The following SLF2 variants were observed in gnomAD, a reference collection of about 807,000 sequenced individuals.
SLF2 encodes the protein SMC5/6 complex localization factor 2, also known as SMC5-SMC6 complex localization factor protein 2.
Under a neutral mutation model 124.3 loss-of-function variants are expected in SLF2, and 68 were observed. The ratio of observed to expected loss-of-function variants is 0.55; its 90% CI spans 0.45 to 0.67. SLF2 has a LOEUF of 0.67. Among genes scored for constraint, SLF2 ranks in the 30% least tolerant of loss-of-function variants. The pLI is 0.00. For synonymous variants in SLF2, 480 were observed against 478.8 expected (o/e 1.00, Z -0.03); for missense variants, 1,246 against 1,373.7 (o/e 0.91, Z 1.47).
chr10:100,925,818 T>C (rs1044260869), intron 5 of SLF2, 131 bp from the exon 6 acceptor site: 7 of 884,528 alleles, frequency 7.9e-6, no homozygotes, highest in Non-Finnish European at 1.2e-5. Context: ...AAAATTATCC[T>C]TTAAGAAAGG....
chr10:100,963,421 C>A lies in SLF2; in HGVS notation c.*1509C>A, dbSNP rs1850459823. On this transcript the variant is annotated 3_prime_UTR_variant, in exon 20 of 20. Transcript: ENST00000238961. ...ATTGAGGCTCCAAGAGTCAGACCAACAAAAGTTTTATTCTGTGTTGTTTAC... is the reference window on the plus strand; with the variant it reads ...ATTGAGGCTCCAAGAGTCAGACCAAAAAAAGTTTTATTCTGTGTTGTTTAC... 6.6e-6 allele frequency: 1 copy of A among 152,510 alleles called. No homozygotes were observed. Among genetic ancestry groups the A allele is most frequent in the Non-Finnish European group, 1.5e-5 (1 of 68,012 alleles). 9.4% of individuals were successfully genotyped at this position (152,510 alleles called of 1,614,324 possible). A position where few individuals can be genotyped will look rare whatever the true frequency, so the allele number is the denominator to read the frequency against.
chr10:100,914,991 T>G (rs1462837497), intron 1 of SLF2, among the ~76,000 whole-genome samples: 1 of 152,212 alleles, frequency 6.6e-6, no homozygotes, highest in South Asian at 2.1e-4. Flanking sequence ...AGAAAGTTAA[T>G]TTTTTGTTCA....
rs1185828364 is a variant in SLF2 at position 100,913,102 on chromosome 10, G to A, written c.-9G>A. 6.2e-7 allele frequency: 1 copy of A among 1,610,120 alleles called. No individual in the cohort carries two copies. The highest frequency in any genetic ancestry group is 1.3e-5 in the African/African-American group (1 of 74,772). ...CACGGCTCATGCCGCCGTCGCCAGC[G>A]GCGCCGACATGACAAGGCGCTGCAT... On this transcript the variant is annotated 5_prime_UTR_variant, in exon 1 of 20. Coordinates refer to ENST00000238961, the MANE Select transcript of SLF2 (RefSeq NM_018121.4).
intron 6 of SLF2, among the ~76,000 whole-genome samples, chr10:100,928,068 CGAGA>C (rs1554878164): frequency 3.4e-5 from 2 of 59,534 alleles, no homozygotes; most frequent in South Asian, 5.2e-4. Context: ...CACACACACA[CGAGA>C]GAGAGACAGA....
intron 17 of SLF2, among the ~76,000 whole-genome samples, chr10:100,955,288 A>G (rs1850309295): frequency 6.6e-6 from 1 of 152,128 alleles, no homozygotes; most frequent in Non-Finnish European, 1.5e-5. Context: ...TTTTGCTATA[A>G]GAATTCCCAT....
At chr10:100,919,936 A>G (rs1849495306) in intron 4 of SLF2, among the ~76,000 whole-genome samples, 1 of 152,220 alleles carries the variant, frequency 6.6e-6, no homozygotes, top group Non-Finnish European at 1.5e-5. Context: ...GGTGCATTGC[A>G]TTTTGACCAA....
Position 100,916,832 on chromosome 10 carries a change from C to T in SLF2, c.447C>T (p.Ile149=). Reference sequence around the variant, plus strand: ...AATATTTAGCCAAAGGAACAAATATCTATGTTCCTTCTTCATATCACTTGC... The same window carrying T: ...AATATTTAGCCAAAGGAACAAATATTTATGTTCCTTCTTCATATCACTTGC... The part of the protein sequence containing the change: ...ASKYLAKGTN[I]YVPSSYHLPK... The change falls in exon 3 of 20, where the codon ATC becomes ATT. Residue 149 remains isoleucine (I), a synonymous_variant. Coordinates refer to ENST00000238961, the MANE Select transcript of SLF2 (RefSeq NM_018121.4). 6 of 1,614,150 alleles carry T rather than the reference C, an allele frequency of 3.7e-6. No individual in the cohort carries two copies. Among genetic ancestry groups the T allele is most frequent in the Non-Finnish European group, 5.1e-6 (6 of 1,180,018 alleles).
At chr10:100,920,562 G>A (rs893575014) in intron 4 of SLF2, among the ~76,000 whole-genome samples, 2 of 152,050 alleles carry the variant, frequency 1.3e-5, no homozygotes, top group African/African-American at 4.8e-5. Flanking sequence ...TACTTCAATT[G>A]ACTAACATCA....
chr10:100,937,620 T>G (rs1044901732), intron 10 of SLF2, 143 bp downstream of exon 10: 5 of 613,270 alleles, frequency 8.2e-6, no homozygotes, highest in African/African-American at 5.6e-5. Flanking sequence ...TTTTTTTGGT[T>G]TTTTTTTTGA....
At chr10:100,915,904 C>A in intron 1 of SLF2, 95 bp from the exon 2 acceptor site, 3 of 994,648 alleles carry the variant, frequency 3.0e-6, no homozygotes, top group Non-Finnish European at 3.1e-6. Flanking sequence ...ATAGTGAAAT[C>A]CAGCCTTTAT....
intron 17 of SLF2, among the ~76,000 whole-genome samples, chr10:100,952,512 A>G (rs1247883924): frequency 6.7e-6 from 1 of 150,232 alleles, no homozygotes; most frequent in East Asian, 1.9e-4. Flanking sequence ...ACACCACTAT[A>G]CTCCAGCCTG....
intron 9 of SLF2, among the ~76,000 whole-genome samples, chr10:100,936,426 C>T (rs553704637): frequency 5.9e-5 from 9 of 152,008 alleles, no homozygotes; most frequent in Admixed American, 1.3e-4. Context: ...CTCTGCCTCC[C>T]GGGTTCACAC....
chr10:100,959,799 AT>A (rs1850396338), intron 19 of SLF2, among the ~76,000 whole-genome samples: 1 of 152,194 alleles, frequency 6.6e-6, no homozygotes, highest in South Asian at 2.1e-4. Flanking sequence ...CATACCATAG[AT>A]TTTACCCACT....
In SLF2 at chr10:100,962,444, A is replaced by G. The variant is rs991240845; in HGVS notation, c.*532A>G. On this transcript the variant is annotated 3_prime_UTR_variant, in exon 20 of 20. Coordinates refer to ENST00000238961, the MANE Select transcript of SLF2 (RefSeq NM_018121.4). ...ATAAATCTCTTCTGTAACTTTTATA[A>G]ACCACAGGGAGGTTTCAATCCATGC... 3.9e-5 allele frequency: 6 copies of G among 152,656 alleles called. No homozygotes were observed. Among genetic ancestry groups the G allele is most frequent in the Non-Finnish European group, 8.8e-5 (6 of 68,070 alleles). The allele number at this position is 152,656 out of a possible 1,614,324, so 9.5% of individuals were successfully genotyped here. A position where few individuals can be genotyped will look rare whatever the true frequency, so the allele number is the denominator to read the frequency against.
intron 6 of SLF2, among the ~76,000 whole-genome samples, chr10:100,928,462 G>A (rs1280702610): frequency 6.6e-6 from 1 of 152,066 alleles, no homozygotes; most frequent in African/African-American, 2.4e-5. Flanking sequence ...TTAAAATTGA[G>A]CACTTCACAA....
intron 15 of SLF2, among the ~76,000 whole-genome samples, 194 bp downstream of exon 15, chr10:100,948,041 C>T (rs41291458): frequency 0.011 from 1,628 of 152,260 alleles, 15 homozygotes; most frequent in Non-Finnish European, 0.017. Flanking sequence ...TAATATTGCA[C>T]CCTCCACCAC....
At chr10:100,929,282 G>T (rs1325662994) in intron 6 of SLF2, 35 bp from the exon 7 acceptor site, 1 of 1,562,758 alleles carries the variant, frequency 6.4e-7, no homozygotes, top group South Asian at 1.2e-5. Flanking sequence ...AATATTTTTA[G>T]AGTAAACTGT....
intron 18 of SLF2, among the ~76,000 whole-genome samples, chr10:100,958,713 T>C (rs1285169110): frequency 1.3e-5 from 2 of 152,222 alleles, no homozygotes; most frequent in Non-Finnish European, 2.9e-5. Flanking sequence ...GAAAAAAGCA[T>C]AGATTGTAGT....
Position 100,924,498 on chromosome 10 carries a change from T to G in SLF2, c.1497T>G (p.Ser499=). The G allele has an allele frequency of 6.2e-7, 1 of 1,614,090 alleles. No homozygotes were observed. The highest frequency in any genetic ancestry group is 8.5e-7 in the Non-Finnish European group (1 of 1,180,028). ...CTAAAAATTGTGCTCTTCCAGTTTC[T>G]AAAAAAGATAAAGAGCGTTCCTCAT... is the stretch of plus-strand genomic sequence containing the variant. ...LNAKNCALPV[S]KKDKERSSSK... Residue 499 remains serine, a synonymous_variant, in exon 5 of 20, where the codon TCT becomes TCG. Transcript: ENST00000238961.
Sources: gnomAD v4.1 joint callset for allele counts (sites outside exome capture counted in the v4.1 genomes callset) on GRCh38, gnomAD v4.1.1 for gene constraint, MANE v1.5 for transcripts, NCBI Gene and HGNC (gene_info 2026-07-23, HGNC 2026-07-21) for gene names.